Variants in CACNB2 observed in about 807,000 individuals in gnomAD.
CACNB2 encodes voltage-dependent L-type calcium channel subunit beta-2.
A neutral mutation model predicts 73.3 loss-of-function variants in CACNB2; 42 were observed. The observed-to-expected ratio is 0.57, with a 90% CI of 0.45 to 0.74. CACNB2 has a LOEUF of 0.74. Ranked by LOEUF, CACNB2 falls within the 30% of genes least tolerant of loss-of-function variation. The pLI is 0.00. For missense variants in CACNB2, 940 were observed against 853.0 expected, an observed-to-expected ratio of 1.10 and a Z score of -1.27; for synonymous variants, 348 against 310.3, an observed-to-expected ratio of 1.12 and a Z score of -1.28.
At chr10:18,270,349 A>G (rs962778975) in intron 2 of CACNB2, among the ~76,000 whole-genome samples, 9 of 152,096 alleles carry the variant, frequency 5.9e-5, no homozygotes, top group Non-Finnish European at 2.9e-5. Context: ...TCCACATGAG[A>G]TTTGGGTGGG....
At chr10:18,177,657 C>T (rs1421967004) in intron 2 of CACNB2, among the ~76,000 whole-genome samples, 3 of 151,884 alleles carry the variant, frequency 2.0e-5, no homozygotes, top group African/African-American at 7.3e-5. Context: ...GACAGGCAGG[C>T]AGTGAGGCAA....
chr10:18,443,887 G>GT (rs1052075050), intron 3 of CACNB2, among the ~76,000 whole-genome samples: 4 of 151,972 alleles, frequency 2.6e-5, no homozygotes, highest in African/African-American at 9.7e-5. Flanking sequence ...GCTAATTTTT[G>GT]TATTTTTAAT....
chr10:18,328,659 G>A (rs972652947), intron 2 of CACNB2, among the ~76,000 whole-genome samples: 13 of 152,144 alleles, frequency 8.5e-5, no homozygotes, highest in African/African-American at 3.1e-4. Context: ...TAACAAACCA[G>A]TGTAGAATAG....
chr10:18,379,163 T>C (rs1158886583), intron 2 of CACNB2, among the ~76,000 whole-genome samples: 1 of 152,232 alleles, frequency 6.6e-6, no homozygotes, highest in Admixed American at 6.5e-5. Flanking sequence ...TGGCAAAACA[T>C]ACATAATATA....
intron 2 of CACNB2, 45 bp downstream of exon 2, chr10:18,151,020 C>T: frequency 8.3e-7 from 1 of 1,208,344 alleles, no homozygotes; most frequent in Non-Finnish European, 1.2e-6. Flanking sequence ...CTTAAAATGA[C>T]TTTAGATTTT....
At chr10:18,369,316 T>G (rs1448649222) in intron 2 of CACNB2, among the ~76,000 whole-genome samples, 4 of 152,234 alleles carry the variant, frequency 2.6e-5, no homozygotes, top group African/African-American at 9.6e-5. Context: ...AATAATTTTT[T>G]GTGGATTTGT....
At position 18,527,657 on chromosome 10, in the gene CACNB2, G is replaced by A. The variant is rs2052613224; in HGVS notation, c.1014G>A (p.Lys338=). The change falls in exon 10 of 14, where the codon AAG becomes AAA. Residue 338 remains lysine, a synonymous_variant. Transcript: ENST00000324631. ...AKRSVLNNPS[K]HAIIERSNTR... is the part of the protein sequence containing the mutation. ...GCTCGGTATTAAACAATCCCAGTAA[G>A]CACGCAATAATAGAAAGATCCAACA... The A allele has an allele frequency of 1.2e-6, 2 of 1,613,848 alleles. No individual in the cohort carries two copies. Among genetic ancestry groups the A allele is most frequent in the Non-Finnish European group, 1.7e-6 (2 of 1,179,872 alleles).
intron 2 of CACNB2, among the ~76,000 whole-genome samples, chr10:18,330,013 A>G (rs749904433): frequency 4.5e-4 from 68 of 152,012 alleles, no homozygotes; most frequent in Admixed American, 5.9e-4. Context: ...GCTAATTTTT[A>G]TATTTTTAGT....
intron 2 of CACNB2, among the ~76,000 whole-genome samples, chr10:18,384,452 G>A (rs138604915): frequency 2.2e-3 from 342 of 152,226 alleles, no homozygotes; most frequent in Non-Finnish European, 3.6e-3. Flanking sequence ...TTGGCCAGGC[G>A]CAGTGGTTTA....
chr10:18,191,536 A>G (rs991521357), intron 2 of CACNB2, among the ~76,000 whole-genome samples: 5 of 152,166 alleles, frequency 3.3e-5, no homozygotes, highest in Non-Finnish European at 7.3e-5. Context: ...TTGGTACACC[A>G]TCACCTGAGC....
intron 2 of CACNB2, among the ~76,000 whole-genome samples, chr10:18,294,156 G>A (rs771308168): frequency 6.6e-6 from 1 of 152,158 alleles, no homozygotes; most frequent in Non-Finnish European, 1.5e-5. Context: ...GCACGTTTCC[G>A]AGACCTGCTT....
intron 2 of CACNB2, among the ~76,000 whole-genome samples, chr10:18,295,553 T>G (rs1418078119): frequency 1.3e-5 from 2 of 152,254 alleles, no homozygotes; most frequent in Non-Finnish European, 2.9e-5. Context: ...CAATGATTAC[T>G]TGTATATGGT....
chr10:18,316,456 C>CCCCCCTCTCTTTTTTT (rs1564430210), intron 2 of CACNB2, among the ~76,000 whole-genome samples: 1 of 107,158 alleles, frequency 9.3e-6, no homozygotes, highest in African/African-American at 3.8e-5. Context: ...TTCTTTTTTT[C>CCCCCCTCTCTTTTTTT]TTCCCCCCTC....
chr10:18,218,319 G>C (rs939064241), intron 2 of CACNB2, among the ~76,000 whole-genome samples: 1 of 152,204 alleles, frequency 6.6e-6, no homozygotes, highest in Admixed American at 6.5e-5. Context: ...TCAGACAGAC[G>C]AACTGATTTG....
intron 2 of CACNB2, among the ~76,000 whole-genome samples, chr10:18,246,893 T>G (rs1358786170): frequency 6.6e-6 from 1 of 152,204 alleles, no homozygotes; most frequent in Non-Finnish European, 1.5e-5. Context: ...ATTACAGGCA[T>G]GAGCCACCAG....
intron 4 of CACNB2, chr10:18,498,736 A>G: frequency 4.4e-6 from 2 of 456,432 alleles, no homozygotes; most frequent in Non-Finnish European, 8.0e-6. Context: ...CTGCTAGAGT[A>G]GATGATCCTT....
At chr10:18,295,158 G>A (rs2039225519) in intron 2 of CACNB2, among the ~76,000 whole-genome samples, 2 of 152,122 alleles carry the variant, frequency 1.3e-5, no homozygotes, top group African/African-American at 4.8e-5. Context: ...ATTAAAAGGG[G>A]GGATTTAAGG....
intron 3 of CACNB2, among the ~76,000 whole-genome samples, chr10:18,463,857 C>T (rs1333569538): frequency 6.6e-6 from 1 of 152,090 alleles, no homozygotes; most frequent in Non-Finnish European, 1.5e-5. Context: ...CCCAGCTCCT[C>T]CCGCTCCATG....
At chr10:18,268,876 T>G (rs1049271313) in intron 2 of CACNB2, among the ~76,000 whole-genome samples, 14 of 152,188 alleles carry the variant, frequency 9.2e-5, no homozygotes, top group Non-Finnish European at 1.9e-4. Context: ...GTCTACTGAT[T>G]GAGAAATTGT....
Sources: gnomAD v4.1 joint callset for allele counts (sites outside exome capture counted in the v4.1 genomes callset) on GRCh38, gnomAD v4.1.1 for gene constraint, MANE v1.5 for transcripts, NCBI Gene and HGNC (gene_info 2026-07-23, HGNC 2026-07-21) for gene names.